The following IGSF11 variants were observed in gnomAD, a reference collection of about 807,000 sequenced individuals.
IGSF11 encodes immunoglobulin superfamily member 11.
A neutral mutation model predicts 41.0 loss-of-function variants in IGSF11; 22 were observed. That is an observed-to-expected ratio of 0.54 (90% CI 0.38 to 0.77). The LOEUF (loss-of-function observed/expected upper bound fraction) is 0.77, where lower values mean the gene tolerates loss of function less well. Among genes scored for constraint, IGSF11 ranks in the 30% least tolerant of loss-of-function variants. The pLI, the probability that IGSF11 is intolerant of heterozygous loss-of-function variation, is 0.00. For missense variants in IGSF11, 444 were observed against 530.8 expected, an observed-to-expected ratio of 0.84 and a Z score of 1.61; for synonymous variants, 219 against 201.3, an observed-to-expected ratio of 1.09 and a Z score of -0.74.
At chr3:118,983,238 C>T (rs1006941299) in intron 1 of IGSF11, 1 of 152,190 alleles carries the variant, frequency 6.6e-6, no homozygotes, top group Non-Finnish European at 1.5e-5. Context: ...TTGATATTCA[C>T]AACTAACCCA....
chr3:118,993,062 C>T (rs932148782), intron 1 of IGSF11, among the ~76,000 whole-genome samples: 1 of 152,058 alleles, frequency 6.6e-6, no homozygotes, highest in South Asian at 2.1e-4. Context: ...CCTGTCTCTA[C>T]AAAAAATTTA....
At chr3:119,018,183 CCAAA>C (rs1215592264) in intron 1 of IGSF11, among the ~76,000 whole-genome samples, 17 of 152,026 alleles carry the variant, frequency 1.1e-4, no homozygotes, top group Non-Finnish European at 2.1e-4. Flanking sequence ...AATAGGCACA[CCAAA>C]CAAATAAATA....
At chr3:118,930,305 G>A in intron 1 of IGSF11, 30 bp from the exon 2 acceptor site, 1 of 1,588,856 alleles carries the variant, frequency 6.3e-7, no homozygotes, top group Non-Finnish European at 8.6e-7. Context: ...GAGGTTATAT[G>A]CTCGCCCTTT....
intron 1 of IGSF11, among the ~76,000 whole-genome samples, chr3:118,988,568 C>T (rs1283264600): frequency 2.6e-5 from 4 of 152,076 alleles, no homozygotes. Flanking sequence ...TATTGATTAA[C>T]GATCTTTGAT....
At chr3:119,054,444 C>G (rs1941741727) in intron 1 of IGSF11, among the ~76,000 whole-genome samples, 2 of 152,150 alleles carry the variant, frequency 1.3e-5, no homozygotes, top group African/African-American at 4.8e-5. Context: ...CTCAACATCA[C>G]TAATTATTAA....
At chr3:119,007,900 T>C (rs865813069) in intron 1 of IGSF11, among the ~76,000 whole-genome samples, 23 of 152,314 alleles carry the variant, frequency 1.5e-4, no homozygotes, top group Middle Eastern at 3.4e-3. Context: ...TTCCATTGCC[T>C]CCTCCTTCTT....
At chr3:119,105,379 C>T (rs191009231), upstream of IGSF11, among the ~76,000 whole-genome samples, 1 of 152,088 alleles carries the variant, frequency 6.6e-6, no homozygotes, top group African/African-American at 2.4e-5. Flanking sequence ...ATTAATCACA[C>T]AGAAACTTTA....
intron 1 of IGSF11, among the ~76,000 whole-genome samples, chr3:119,000,989 C>T (rs1055673057): frequency 1.3e-5 from 2 of 152,214 alleles, no homozygotes; most frequent in East Asian, 3.9e-4. Context: ...CTATAATATT[C>T]CTTGCCTATT....
At chr3:119,109,869 G>T (rs1362494686), upstream of IGSF11, among the ~76,000 whole-genome samples, 1 of 152,132 alleles carries the variant, frequency 6.6e-6, no homozygotes, top group East Asian at 1.9e-4. Context: ...TTCAGGAGCA[G>T]GTTGTTCAGT....
chr3:119,059,027 T>C (rs1199105926), intron 1 of IGSF11, among the ~76,000 whole-genome samples: 1 of 151,582 alleles, frequency 6.6e-6, no homozygotes, highest in East Asian at 1.9e-4. Flanking sequence ...TAATGCTAGA[T>C]GACGAGTTAG....
intron 1 of IGSF11, among the ~76,000 whole-genome samples, chr3:119,134,592 A>C (rs901009476): frequency 5.9e-5 from 9 of 152,224 alleles, no homozygotes; most frequent in Admixed American, 5.9e-4. Context: ...AGAACATTCC[A>C]TGCTCACAGA....
At chr3:118,935,470 C>A (rs1471385926) in intron 1 of IGSF11, among the ~76,000 whole-genome samples, 1 of 147,682 alleles carries the variant, frequency 6.8e-6, no homozygotes, top group African/African-American at 2.5e-5. Context: ...ATATCAGATG[C>A]CAAAAGAGAC....
chr3:118,906,983 C>T (rs533322820), intron 4 of IGSF11, among the ~76,000 whole-genome samples: 1 of 152,290 alleles, frequency 6.6e-6, no homozygotes, highest in Non-Finnish European at 1.5e-5. Flanking sequence ...CTTCACTGCC[C>T]TCCTTATGCA....
chr3:118,930,823 A>T (rs1942786563), intron 1 of IGSF11, among the ~76,000 whole-genome samples: 1 of 152,238 alleles, frequency 6.6e-6, no homozygotes, highest in Non-Finnish European at 1.5e-5. Context: ...TGATCTATAG[A>T]TTCAGAGCTA....
intron 1 of IGSF11, among the ~76,000 whole-genome samples, chr3:119,017,183 T>G (rs1479730401): frequency 6.6e-6 from 1 of 152,196 alleles, no homozygotes; most frequent in African/African-American, 2.4e-5. Flanking sequence ...ACAGTCACGT[T>G]TCACTTAATG....
chr3:118,993,552 A>C (rs932073774), intron 1 of IGSF11, among the ~76,000 whole-genome samples: 1 of 152,208 alleles, frequency 6.6e-6, no homozygotes, highest in Non-Finnish European at 1.5e-5. Context: ...ACTTTTACCT[A>C]TATTTATAGA....
At chr3:118,979,615 T>C (rs915595762) in intron 1 of IGSF11, among the ~76,000 whole-genome samples, 3 of 152,074 alleles carry the variant, frequency 2.0e-5, no homozygotes, top group Non-Finnish European at 4.4e-5. Flanking sequence ...AGGACATTGG[T>C]GTAGGCAAAG....
chr3:119,019,825 GTC>G (rs1939115329), intron 1 of IGSF11, among the ~76,000 whole-genome samples: 1 of 152,126 alleles, frequency 6.6e-6, no homozygotes, highest in Admixed American at 6.5e-5. Context: ...CTGGCCATTT[GTC>G]TCTGATTGCT....
At chr3:118,916,388 C>G (rs1260503420) in intron 4 of IGSF11, among the ~76,000 whole-genome samples, 1 of 151,972 alleles carries the variant, frequency 6.6e-6, no homozygotes, top group East Asian at 1.9e-4. Flanking sequence ...TACACATAGG[C>G]TCAAAATAAA....
Sources: allele counts gnomAD v4.1 joint callset (sites outside exome capture counted in the v4.1 genomes callset), GRCh38; gene constraint gnomAD v4.1.1; transcripts MANE v1.5; gene names NCBI Gene and HGNC (gene_info 2026-07-23, HGNC 2026-07-21).